The following EPHX2 variants were observed in gnomAD, a reference collection of about 807,000 sequenced individuals.
The protein encoded by EPHX2 is epoxide hydrolase 2.
In EPHX2, 74 loss-of-function variants were observed where a neutral mutation model predicts 78.7. That is an observed-to-expected ratio of 0.94 (90% confidence interval 0.78 to 1.14). The LOEUF is 1.14. Among genes scored for constraint, EPHX2 ranks in the 50% most tolerant of loss-of-function variants. The pLI, the probability that EPHX2 is intolerant of heterozygous loss-of-function variation, is 0.00. For missense variants in EPHX2, 715 were observed against 702.5 expected, an observed-to-expected ratio of 1.02 and a Z score of -0.20; for synonymous variants, 251 against 255.2, an observed-to-expected ratio of 0.98 and a Z score of 0.16.
At chr8:27,546,013 A>G (rs1235799896), downstream of EPHX2, among the ~76,000 whole-genome samples, 1 of 152,058 alleles carries the variant, frequency 6.6e-6, no homozygotes, top group African/African-American at 2.4e-5. Context: ...AGATGGGGGC[A>G]GAGCCTGGAT....
chr8:27,544,480 G>A lies in EPHX2; in HGVS notation c.1626G>A (p.Leu542=). The A allele has an allele frequency of 6.2e-7, 1 of 1,614,002 alleles. No homozygotes were observed. Among genetic ancestry groups the A allele is most frequent in the Non-Finnish European group, 8.5e-7 (1 of 1,180,018 alleles). ...TGAATCAGATCCTCATTAAGTGGCT[G>A]GATTCTGATGCCCGGAACCCACCGG... The part of the protein sequence containing the change: ...TEVNQILIKW[L]DSDARNPPVV... The change falls in exon 19 of 19, where the codon CTG becomes CTA. Residue 542 remains leucine, a synonymous_variant. Coordinates refer to ENST00000521400, the MANE Select transcript of EPHX2 (RefSeq NM_001979.6).
At chr8:27,501,863 AC>A (rs1813814340) in intron 2 of EPHX2, among the ~76,000 whole-genome samples, 1 of 152,186 alleles carries the variant, frequency 6.6e-6, no homozygotes. Flanking sequence ...AGCCTGGAAA[AC>A]TAAATTATAT....
chr8:27,503,648 C>T lies in EPHX2; in HGVS notation c.231C>T (p.Thr77=), dbSNP rs141148096. 3.4e-4 allele frequency: 544 copies of T among 1,613,672 alleles called. No individual in the cohort carries two copies. Among genetic ancestry groups the T allele is most frequent in the Non-Finnish European group, 4.1e-4 (483 of 1,179,900 alleles). The change falls in exon 3 of 19, where the codon ACC becomes ACT. Residue 77 remains threonine (T), a synonymous_variant. Transcript: ENST00000521400. ...AAAACTGCAGGAAGTGCTCCGAGAC[C>T]GCTAAAGTCTGCCTCCCCAAGAATT... ...MEENCRKCSE[T]AKVCLPKNFS...
At chr8:27,492,754 T>C (rs1220676709) in intron 1 of EPHX2, 2 of 167,644 alleles carry the variant, frequency 1.2e-5, no homozygotes, top group Non-Finnish European at 2.5e-5. Flanking sequence ...TGGCTACTTT[T>C]AGAATGCTGC....
At chr8:27,514,264 G>A (rs764135296) in intron 6 of EPHX2, among the ~76,000 whole-genome samples, 1 of 152,130 alleles carries the variant, frequency 6.6e-6, no homozygotes, top group South Asian at 2.1e-4. Context: ...CTATGATCAT[G>A]CCCCTGCCCT....
chr8:27,543,022 C>T (rs1021294665), intron 16 of EPHX2, among the ~76,000 whole-genome samples: 3 of 137,502 alleles, frequency 2.2e-5, no homozygotes, highest in African/African-American at 2.6e-5. Context: ...CCCCGCCCCC[C>T]GCCCAGTTCA....
chr8:27,548,134 G>A (rs931529961), downstream of EPHX2, among the ~76,000 whole-genome samples: 4 of 152,248 alleles, frequency 2.6e-5, no homozygotes, highest in Admixed American at 2.6e-4. Context: ...CAACATCCAA[G>A]GTTTCCAGGA....
chr8:27,533,684 C>T (rs939631267), intron 12 of EPHX2, among the ~76,000 whole-genome samples: 13 of 152,124 alleles, frequency 8.5e-5, no homozygotes, highest in African/African-American at 2.9e-4. Flanking sequence ...ACTTCCTGGG[C>T]TCAATCAGTC....
intron 1 of EPHX2, 86 bp downstream of exon 1, chr8:27,491,395 C>T: frequency 3.8e-6 from 4 of 1,045,336 alleles, no homozygotes; most frequent in Non-Finnish European, 5.2e-6. Flanking sequence ...TTTCAGATTG[C>T]TCCTGTGCCG....
intron 13 of EPHX2, among the ~76,000 whole-genome samples, chr8:27,538,092 A>G (rs1585222020): frequency 2.0e-5 from 3 of 152,316 alleles, no homozygotes; most frequent in Admixed American, 2.0e-4. Context: ...AGAGAATGCA[A>G]ACTCAAATCC....
In EPHX2 at chr8:27,503,642, C is replaced by T. The variant is rs553359086; in HGVS notation, c.225C>T (p.Ser75=). ...PLMEENCRKC[S]ETAKVCLPKN... is the part of the protein sequence containing the mutation. ...TGGAAGAAAACTGCAGGAAGTGCTC[C>T]GAGACCGCTAAAGTCTGCCTCCCCA... Residue 75 remains serine, a synonymous_variant, in exon 3 of 19, where the codon TCC becomes TCT. Transcript: ENST00000521400. 30 of 1,613,340 alleles carry T rather than the reference C, an allele frequency of 1.9e-5. No homozygotes were observed. Among genetic ancestry groups the T allele is most frequent in the African/African-American group, 6.7e-5 (5 of 74,982 alleles).
At chr8:27,541,893 A>G (rs1282202662) in intron 16 of EPHX2, among the ~76,000 whole-genome samples, 1 of 152,072 alleles carries the variant, frequency 6.6e-6, no homozygotes, top group Non-Finnish European at 1.5e-5. Flanking sequence ...TGGAGCCCCC[A>G]GCCCAGAGGA....
chr8:27,508,371 T>C (rs56676852), intron 5 of EPHX2, among the ~76,000 whole-genome samples: 19,193 of 152,246 alleles, frequency 0.13, 1,397 homozygotes, highest in African/African-American at 0.21. Context: ...TGATACAGTT[T>C]AGCCCATGAC....
At chr8:27,510,752 G>A (rs990004579) in intron 5 of EPHX2, among the ~76,000 whole-genome samples, 1 of 151,870 alleles carries the variant, frequency 6.6e-6, no homozygotes, top group Non-Finnish European at 1.5e-5. Flanking sequence ...CCAGGAGTTC[G>A]AGGCCAGCCT....
intron 9 of EPHX2, 67 bp downstream of exon 9, chr8:27,518,139 G>T: frequency 1.5e-6 from 2 of 1,378,142 alleles, no homozygotes; most frequent in Non-Finnish European, 1.0e-6. Context: ...CCGAAGCTGG[G>T]GTATCCATTC....
At chr8:27,492,726 T>G (rs1414485672) in intron 1 of EPHX2, 2 of 168,076 alleles carry the variant, frequency 1.2e-5, no homozygotes, top group African/African-American at 4.8e-5. Flanking sequence ...GTGCCCTTTT[T>G]TCAATCCTCC....
intron 14 of EPHX2, 76 bp downstream of exon 14, chr8:27,538,768 T>A: frequency 2.0e-6 from 3 of 1,504,474 alleles, no homozygotes; most frequent in African/African-American, 1.4e-5. Context: ...CTGACTGCTA[T>A]GGGCAGAAGC....
At chr8:27,516,943 G>T in intron 8 of EPHX2, among the ~76,000 whole-genome samples, 1 of 132,102 alleles carries the variant, frequency 7.6e-6, no homozygotes, top group South Asian at 2.4e-4. Flanking sequence ...TTTTTGAGAC[G>T]GAGTCTCACT....
intron 11 of EPHX2, among the ~76,000 whole-genome samples, chr8:27,525,120 G>A (rs897538302): frequency 4.6e-5 from 7 of 151,368 alleles, no homozygotes; most frequent in East Asian, 2.0e-4. Context: ...GCGCGCGCGC[G>A]CGCACCTATG....
Sources: gnomAD v4.1 joint callset for allele counts (sites outside exome capture counted in the v4.1 genomes callset) on GRCh38, gnomAD v4.1.1 for gene constraint, MANE v1.5 for transcripts, NCBI Gene and HGNC (gene_info 2026-07-23, HGNC 2026-07-21) for gene names.